SLC4A5: variants seen among roughly 807,000 people sequenced by gnomAD.
SLC4A5 encodes solute carrier family 4 member 5, also known as electrogenic sodium bicarbonate cotransporter 4.
In SLC4A5, 96 loss-of-function variants were observed where a neutral mutation model predicts 120.4. The observed-to-expected ratio is 0.80, with a 90% CI of 0.68 to 0.94. SLC4A5 has a LOEUF of 0.94. SLC4A5 is among the 40% of genes least tolerant of loss of function. SLC4A5 has a pLI of 0.00. For missense variants in SLC4A5, 1,259 were observed against 1,459.5 expected, an observed-to-expected ratio of 0.86 and a Z score of 2.24; for synonymous variants, 550 against 571.1, an observed-to-expected ratio of 0.96 and a Z score of 0.53.
chr2:74,321,641 G>C (rs776725092), intron 5 of SLC4A5, among the ~76,000 whole-genome samples: 10 of 151,902 alleles, frequency 6.6e-5, no homozygotes, highest in Non-Finnish European at 1.2e-4. Flanking sequence ...ATAATATTGA[G>C]TCTGTCAGTA....
intron 12 of SLC4A5, among the ~76,000 whole-genome samples, chr2:74,256,595 G>A (rs1670971622): frequency 6.6e-6 from 1 of 152,206 alleles, no homozygotes; most frequent in Non-Finnish European, 1.5e-5. Context: ...TGGGAGGAAG[G>A]TCACACAGGC....
chr2:74,289,652 T>C (rs1672096784), intron 7 of SLC4A5, among the ~76,000 whole-genome samples: 2 of 152,176 alleles, frequency 1.3e-5, no homozygotes, highest in African/African-American at 4.8e-5. Flanking sequence ...CATTGTCTTA[T>C]TGATTGCTGG....
At chr2:74,339,344 T>C (rs1168570525) in intron 2 of SLC4A5, 1 of 152,196 alleles carries the variant, frequency 6.6e-6, no homozygotes, top group African/African-American at 2.4e-5. Flanking sequence ...TACATTTACC[T>C]ATGTAACAAA....
At chr2:74,276,463 G>A (rs1313629182) in intron 8 of SLC4A5, among the ~76,000 whole-genome samples, 2 of 152,188 alleles carry the variant, frequency 1.3e-5, no homozygotes, top group Non-Finnish European at 2.9e-5. Flanking sequence ...CTGCTCTAGG[G>A]ATTGATGTAG....
At chr2:74,283,830 T>A (rs952948769) in intron 8 of SLC4A5, among the ~76,000 whole-genome samples, 2 of 151,356 alleles carry the variant, frequency 1.3e-5, no homozygotes, top group Non-Finnish European at 2.9e-5. Context: ...ACCTGACAAA[T>A]CTTATTCCTT....
intron 6 of SLC4A5, among the ~76,000 whole-genome samples, chr2:74,311,510 T>G (rs1374991557): frequency 6.6e-6 from 1 of 152,246 alleles, no homozygotes; most frequent in African/African-American, 2.4e-5. Context: ...TCATTTTCAT[T>G]TAGTCCAAAA....
intron 8 of SLC4A5, among the ~76,000 whole-genome samples, chr2:74,279,675 C>G (rs929463278): frequency 1.2e-4 from 18 of 152,172 alleles, no homozygotes; most frequent in African/African-American, 4.3e-4. Context: ...CTTGGAGTTT[C>G]CTCAAATAGA....
intron 7 of SLC4A5, chr2:74,290,231 C>T: frequency 2.0e-6 from 2 of 985,504 alleles, no homozygotes; most frequent in Non-Finnish European, 2.4e-6. Context: ...ACCAGTTCTG[C>T]CTGGGGCATT....
intron 8 of SLC4A5, among the ~76,000 whole-genome samples, chr2:74,267,733 C>G (rs1471025454): frequency 6.6e-6 from 1 of 152,216 alleles, no homozygotes. Context: ...AGGTGGCTCA[C>G]GCCTGTGATT....
chr2:74,224,439 A>G (rs1558864490), intron 28 of SLC4A5, among the ~76,000 whole-genome samples: 1 of 152,112 alleles, frequency 6.6e-6, no homozygotes, highest in Non-Finnish European at 1.5e-5. Context: ...TCTACTTATA[A>G]GGCCCCATTA....
At position 74,255,789 on chromosome 2, in the gene SLC4A5, C is replaced by T; in HGVS notation, c.1011G>A (p.Val337=). 6.2e-7 allele frequency: 1 copy of T among 1,614,160 alleles called. No individual in the cohort carries two copies. The highest frequency in any genetic ancestry group is 8.5e-7 in the Non-Finnish European group (1 of 1,180,022). The change falls in exon 13 of 31, where the codon GTG becomes GTA. Residue 337 remains valine, a synonymous_variant. Coordinates refer to ENST00000394019, the Ensembl canonical transcript of SLC4A5. This position sits in a 1 kb window ranked among gnomAD's most constrained non-coding sequence, Gnocchi z 4.0. ...ATGGCTCTCACCTGGTGGGGACAGGCACCTCGGTCACTCCTCCCAGCATGG... is the reference window on the plus strand; with the variant it reads ...ATGGCTCTCACCTGGTGGGGACAGGTACCTCGGTCACTCCTCCCAGCATGG...
At position 74,270,534 on chromosome 2, in the gene SLC4A5, G is replaced by T. The variant is rs1323807816; in HGVS notation, c.402-5270C>A. Among the ~76,000 whole-genome samples, 9 of 152,306 alleles carry T rather than the reference G, an allele frequency of 5.9e-5. No individual in the cohort carries two copies. In the East Asian group the frequency reaches 1.5e-3, roughly 26 times the overall value. On this transcript the variant is annotated intron_variant, in intron 8 of 30. Coordinates refer to ENST00000394019, the Ensembl canonical transcript of SLC4A5. ...TAAAAATACAAAAAATTAGCCAGGCGTGGTGGCAGGCGCTTGTAGTCCCAG... is the reference window on the plus strand; with the variant it reads ...TAAAAATACAAAAAATTAGCCAGGCTTGGTGGCAGGCGCTTGTAGTCCCAG...
intron 8 of SLC4A5, among the ~76,000 whole-genome samples, chr2:74,266,326 T>C (rs1671301496): frequency 6.6e-6 from 1 of 152,132 alleles, no homozygotes. Flanking sequence ...TGGAGTGCAG[T>C]GGCATGATTT....
chr2:74,218,393 G>A (rs1694509606), exon 31 of SLC4A5: 1 of 152,136 alleles, frequency 6.6e-6, no homozygotes. Flanking sequence ...GAATTTCTAT[G>A]CTGAACTGCA....
At chr2:74,272,298 T>C (rs890493425) in intron 8 of SLC4A5, among the ~76,000 whole-genome samples, 11 of 152,138 alleles carry the variant, frequency 7.2e-5, no homozygotes, top group Non-Finnish European at 2.9e-5. Flanking sequence ...TATATACTAC[T>C]TTTGTATAAA....
At chr2:74,315,151 G>A (rs1672926740) in intron 5 of SLC4A5, 126 bp from the exon 6 acceptor site, 1 of 817,988 alleles carries the variant, frequency 1.2e-6, no homozygotes, top group Non-Finnish European at 2.0e-6. Flanking sequence ...AAGACAAAAG[G>A]ACATATAACT....
In SLC4A5 at chr2:74,222,038, C is replaced by A. The variant is rs534274391; in HGVS notation, c.3332-537G>T. Among the ~76,000 whole-genome samples the A allele has an allele frequency of 4.6e-5, 7 of 152,296 alleles. No homozygotes were observed. In the South Asian group the frequency reaches 6.2e-4, roughly 14 times the overall value. On this transcript the variant is annotated intron_variant, in intron 29 of 30. Transcript: ENST00000394019. Reference sequence around the variant, plus strand: ...CCAGTCCCTCCTAGGCAGCCTCCCTCTCAGCTGTCTGCTGAGAAGGTGCTG... The same window carrying A: ...CCAGTCCCTCCTAGGCAGCCTCCCTATCAGCTGTCTGCTGAGAAGGTGCTG...
intron 6 of SLC4A5, chr2:74,307,891 C>T (rs72903256): frequency 0.012 from 6,042 of 483,538 alleles, 338 homozygotes; most frequent in African/African-American, 0.11. Context: ...CCAGAGCCCC[C>T]GGCACCTGCA....
At chr2:74,290,637 G>A (rs1018690464) in intron 7 of SLC4A5, 1 of 982,380 alleles carries the variant, frequency 1.0e-6, no homozygotes, top group Non-Finnish European at 1.2e-6. Context: ...GAGAGAGAGA[G>A]AGAGAGAGAG....
Sources: allele counts gnomAD v4.1 joint callset (sites outside exome capture counted in the v4.1 genomes callset), GRCh38; gene constraint gnomAD v4.1.1; non-coding constraint Gnocchi (gnomAD v3.1); transcripts MANE v1.5; gene names NCBI Gene and HGNC (gene_info 2026-07-23, HGNC 2026-07-21).